SLC6A20: variants seen among roughly 807,000 people sequenced by gnomAD.
SLC6A20 encodes the protein sodium- and chloride-dependent transporter XTRP3.
A neutral mutation model predicts 64.3 loss-of-function variants in SLC6A20; 73 were observed. That is an observed-to-expected ratio of 1.14 (90% CI 0.94 to 1.38). SLC6A20 has a LOEUF of 1.38. Among genes scored for constraint, SLC6A20 ranks in the 40% most tolerant of loss-of-function variants. SLC6A20 has a pLI of 0.00. For synonymous variants in SLC6A20, 347 were observed against 329.6 expected (o/e 1.05, Z -0.57); for missense variants, 725 against 772.8 (o/e 0.94, Z 0.73).
rs7633172 is a variant in SLC6A20 at position 45,774,178 on chromosome 3, T to G, written c.583-1563A>C. On this transcript the variant is annotated intron_variant, in intron 4 of 10. Transcript: ENST00000358525. ...ACATGGTCTGTGACAAGATTAGCTCTATTTACATAGAGCTGTTGGGGTACT... is the reference window on the plus strand; with the variant it reads ...ACATGGTCTGTGACAAGATTAGCTCGATTTACATAGAGCTGTTGGGGTACT... Among the ~76,000 whole-genome samples the G allele has an allele frequency of 2.6e-5, 4 of 152,336 alleles. No homozygotes were observed. In the South Asian group the frequency reaches 8.3e-4, roughly 32 times the overall value.
chr3:45,768,572 G>A (rs1204098707), intron 7 of SLC6A20, among the ~76,000 whole-genome samples: 1 of 152,232 alleles, frequency 6.6e-6, no homozygotes, highest in African/African-American at 2.4e-5. Context: ...CCTGCCTGGG[G>A]AAGCAGGCTC....
At chr3:45,782,282 C>T in intron 1 of SLC6A20, 59 bp from the exon 2 acceptor site, 1 of 1,553,786 alleles carries the variant, frequency 6.4e-7, no homozygotes. Flanking sequence ...TCCACGACCA[C>T]TCAACCTCTG....
At chr3:45,773,255 C>T (rs1361486012) in intron 4 of SLC6A20, among the ~76,000 whole-genome samples, 3 of 152,148 alleles carry the variant, frequency 2.0e-5, no homozygotes, top group South Asian at 2.1e-4. Context: ...ACAATGTCCC[C>T]ATAATAAACA....
At position 45,757,309 on chromosome 3, in the gene SLC6A20, G is replaced by C. The variant is rs150730182; in HGVS notation, c.*1669C>G. 2.8e-4 allele frequency: 42 copies of C among 151,998 alleles called. No homozygotes were observed. The highest frequency in any genetic ancestry group is 9.9e-4 in the African/African-American group (41 of 41,458). The allele number at this position is 151,998 out of a possible 1,614,324, so 9.4% of individuals were successfully genotyped here. A position where few individuals can be genotyped will look rare whatever the true frequency, so the allele number is the denominator to read the frequency against. ...TCCTCCTCAGCACCGACCCTTTACA[G>C]GTGTCGGGCTGGGGGACAGTCAGGT... On this transcript the variant is annotated 3_prime_UTR_variant, in exon 11 of 11. Coordinates refer to ENST00000358525, the MANE Select transcript of SLC6A20 (RefSeq NM_020208.4).
Position 45,780,190 on chromosome 3 carries a change from G to A in SLC6A20, c.263-90C>T, listed in dbSNP as rs937506175. On this transcript the variant is annotated intron_variant, in intron 2 of 10. Transcript: ENST00000358525. ...CGTGTGCTCCCAGGACACACCTGTG[G>A]CGACCGCCCCGGGGTGGGCGAGGCC... The A allele has an allele frequency of 1.4e-4, 180 of 1,319,800 alleles. 3 individuals are homozygous for A. In the East Asian group the frequency reaches 3.1e-3, roughly 22 times the overall value. The allele number at this position is 1,319,800 out of a possible 1,614,324, so 81.8% of individuals were successfully genotyped here. A position where few individuals can be genotyped will look rare whatever the true frequency, so the allele number is the denominator to read the frequency against.
At chr3:45,764,987 C>T (rs1183026219) in intron 8 of SLC6A20, among the ~76,000 whole-genome samples, 3 of 151,902 alleles carry the variant, frequency 2.0e-5, no homozygotes, top group East Asian at 1.9e-4. Context: ...CTGAGATGGG[C>T]GAATCACCTG....
rs560636792 is a variant in SLC6A20, at chr3:45,760,428, C to A, written c.1464-406G>T. ...CGGCTTTGCCCACCCCCCTACCCAG[C>A]CCGCCCCTGTCAATCAGTGACTCCC... On this transcript the variant is annotated intron_variant, in intron 9 of 10. Transcript: ENST00000358525. Among the ~76,000 whole-genome samples, 8 of 151,708 alleles carry A rather than the reference C, an allele frequency of 5.3e-5. No homozygotes were observed. The East Asian group carries it at 1.2e-3, about 22-fold the overall frequency.
rs79704118 is a variant in SLC6A20 at position 45,783,283 on chromosome 3, C to T, written c.122-1060G>A. On this transcript the variant is annotated intron_variant, in intron 1 of 10. Coordinates refer to ENST00000358525, the MANE Select transcript of SLC6A20 (RefSeq NM_020208.4). Reference sequence around the variant, plus strand: ...GACTTCTGATCAAATAAAACCCAGACACTACAACTGCAAAGATTAAGGGCT... The same window carrying T: ...GACTTCTGATCAAATAAAACCCAGATACTACAACTGCAAAGATTAAGGGCT... 3.2e-3 allele frequency among the ~76,000 whole-genome samples: 480 copies of T among 152,368 alleles called. 1 individual carries two copies. The highest frequency in any genetic ancestry group is 0.011 in the African/African-American group (440 of 41,590).
chr3:45,794,973 A>T (rs1700321907), intron 1 of SLC6A20, among the ~76,000 whole-genome samples: 2 of 152,162 alleles, frequency 1.3e-5, no homozygotes, highest in Non-Finnish European at 1.5e-5. Flanking sequence ...CTATGAATTA[A>T]CCTTTTGTTG....
Position 45,758,207 on chromosome 3 carries a change from G to A in SLC6A20, c.*771C>T, listed in dbSNP as rs1009202409. The stretch of plus-strand genomic sequence containing the variant: ...GCTAGGATTACAGGCGTGAGCCACC[G>A]TGCCCAGCTGAGATCCACTTTCATT... On this transcript the variant is annotated 3_prime_UTR_variant, in exon 11 of 11. Transcript: ENST00000358525. 6.0e-5 allele frequency: 14 copies of A among 234,662 alleles called. No individual in the cohort carries two copies. The highest frequency in any genetic ancestry group is 2.1e-4 in the African/African-American group (9 of 42,142). 14.5% of individuals were successfully genotyped at this position (234,662 alleles called of 1,614,324 possible). A position where few individuals can be genotyped will look rare whatever the true frequency, so the allele number is the denominator to read the frequency against.
intron 3 of SLC6A20, among the ~76,000 whole-genome samples, chr3:45,777,388 G>A (rs7650511): frequency 1.6e-4 from 25 of 152,084 alleles, no homozygotes; most frequent in Non-Finnish European, 2.4e-4. Context: ...GACCCATATC[G>A]TGTTCAAAGC....
At chr3:45,777,834 G>A (rs899667751) in intron 3 of SLC6A20, among the ~76,000 whole-genome samples, 2 of 152,164 alleles carry the variant, frequency 1.3e-5, no homozygotes, top group African/African-American at 2.4e-5. Context: ...GCCAGACCGG[G>A]CCTGCTTCCC....
Position 45,772,512 on chromosome 3 carries a change from G to A in SLC6A20, c.686C>T (p.Thr229Ile), listed in dbSNP as rs754687696. The A allele has an allele frequency of 1.5e-5, 24 of 1,612,320 alleles. No homozygotes were observed. Among genetic ancestry groups the A allele is most frequent in the Non-Finnish European group, 1.8e-5 (21 of 1,179,222 alleles). ...GATNGLMYMF[T>I]PKIEQLANPK... is the part of the protein sequence containing the mutation. The stretch of plus-strand genomic sequence containing the variant: ...TTCCGCTTCAGCCCGTACCTTGGGA[G>A]TGAACATGTACATGAGGCCATTGGT... The change falls in exon 5 of 11, where the codon ACT (threonine) becomes ATT (isoleucine). Residue 229 changes from threonine to isoleucine, a missense_variant. Coordinates refer to ENST00000358525, the MANE Select transcript of SLC6A20 (RefSeq NM_020208.4).
chr3:45,761,452 A>G (rs1044619726), intron 9 of SLC6A20, among the ~76,000 whole-genome samples: 1 of 151,772 alleles, frequency 6.6e-6, no homozygotes, highest in Non-Finnish European at 1.5e-5. Flanking sequence ...CCCCTCACCC[A>G]TCTAGTGACC....
intron 9 of SLC6A20, among the ~76,000 whole-genome samples, chr3:45,760,858 T>C (rs1458440401): frequency 6.6e-6 from 1 of 152,250 alleles, no homozygotes; most frequent in Admixed American, 6.5e-5. Context: ...CTGCGATGCC[T>C]TCTTCCTTAG....
At chr3:45,790,787 T>C (rs532676203) in intron 1 of SLC6A20, among the ~76,000 whole-genome samples, 2 of 152,290 alleles carry the variant, frequency 1.3e-5, no homozygotes, top group East Asian at 3.9e-4. Flanking sequence ...AGCTCCACCT[T>C]CTTAGCCTGT....
At chr3:45,763,809 C>T (rs1362765717) in intron 8 of SLC6A20, among the ~76,000 whole-genome samples, 1 of 152,236 alleles carries the variant, frequency 6.6e-6, no homozygotes, top group East Asian at 1.9e-4. Context: ...CCATGCATGT[C>T]TGAGTCTAGA....
chr3:45,764,320 G>A lies in SLC6A20; in HGVS notation c.1303+1217C>T, dbSNP rs543616585. Among the ~76,000 whole-genome samples the A allele has an allele frequency of 1.9e-4, 29 of 152,330 alleles. No individual in the cohort carries two copies. In the South Asian group the frequency reaches 4.8e-3, roughly 25 times the overall value. ...AAAAAGGGGCAGACGATCGCTGCTC[G>A]AAACAACATGAGTGGATCTCACAGG... On this transcript the variant is annotated intron_variant, in intron 8 of 10. Coordinates refer to ENST00000358525, the MANE Select transcript of SLC6A20 (RefSeq NM_020208.4).
Position 45,759,018 on chromosome 3 carries a change from T to C in SLC6A20, c.1739A>G (p.Gln580Arg), listed in dbSNP as rs865968671. Residue 580 changes from glutamine to arginine, a missense_variant, in exon 11 of 11, where the codon CAG becomes CGG. Gln to Arg is a conservative substitution (Grantham distance 43). Coordinates refer to ENST00000358525, the MANE Select transcript of SLC6A20 (RefSeq NM_020208.4). Reference protein sequence around the residue: ...IPLAALGTFVQRRLKRGDADP... With the variant: ...IPLAALGTFVRRRLKRGDADP... ...TGCGTCTCCCCTCTTGAGGCGACGC[T>C]GAACAAAAGTCCCCAGGGCCGCCAG... The C allele has an allele frequency of 5.0e-6, 8 of 1,612,228 alleles. No individual in the cohort carries two copies. The highest frequency in any genetic ancestry group is 1.7e-4 in the Middle Eastern group (1 of 6,042).
Sources: gnomAD v4.1 joint callset for allele counts (sites outside exome capture counted in the v4.1 genomes callset) on GRCh38, gnomAD v4.1.1 for gene constraint, MANE v1.5 for transcripts, NCBI Gene and HGNC (gene_info 2026-07-23, HGNC 2026-07-21) for gene names.